Variants in LRIG1 observed in about 807,000 individuals in gnomAD.
The protein encoded by LRIG1 is leucine-rich repeats and immunoglobulin-like domains protein 1.
LRIG1 carries 48 observed loss-of-function variants against 99.2 expected under a neutral mutation model. The ratio of observed to expected loss-of-function variants is 0.48; its 90% CI spans 0.38 to 0.62. The LOEUF (loss-of-function observed/expected upper bound fraction) is 0.62. Among genes scored for constraint, LRIG1 ranks in the 20% least tolerant of loss-of-function variants. LRIG1 has a pLI of 0.00. For missense variants in LRIG1, 1,646 were observed against 1,434.4 expected, an observed-to-expected ratio of 1.15 and a Z score of -2.38; for synonymous variants, 772 against 596.1, an observed-to-expected ratio of 1.29 and a Z score of -4.30.
In LRIG1 at chr3:66,379,844, T is replaced by C. The variant is rs983487589; in HGVS notation, c.*419A>G. ...TCCCACCCCGCACCAAAAACTCCTGTGAACAAATGTGGTTGTAGCCTCTAT... is the reference window on the plus strand; with the variant it reads ...TCCCACCCCGCACCAAAAACTCCTGCGAACAAATGTGGTTGTAGCCTCTAT... On this transcript the variant is annotated 3_prime_UTR_variant, in exon 19 of 19. Transcript: ENST00000273261. The C allele has an allele frequency of 5.4e-5, 9 of 166,268 alleles. No individual in the cohort carries two copies. Among genetic ancestry groups the C allele is most frequent in the African/African-American group, 1.9e-4 (8 of 41,564 alleles). 10.3% of individuals were successfully genotyped at this position (166,268 alleles called of 1,614,324 possible).
intron 5 of LRIG1, among the ~76,000 whole-genome samples, 174 bp downstream of exon 5, chr3:66,414,746 C>A (rs1165879925): frequency 1.3e-5 from 2 of 152,206 alleles, no homozygotes; most frequent in African/African-American, 4.8e-5. Flanking sequence ...GCAGCCACAG[C>A]ACCAGACCCA....
chr3:66,423,329 A>G (rs1430510376), intron 3 of LRIG1, among the ~76,000 whole-genome samples: 1 of 152,126 alleles, frequency 6.6e-6, no homozygotes, highest in African/African-American at 2.4e-5. Flanking sequence ...CCAGCACTTT[A>G]GGAGGCTGAG....
intron 1 of LRIG1, among the ~76,000 whole-genome samples, chr3:66,464,396 G>A (rs1307046899): frequency 6.6e-6 from 1 of 151,996 alleles, no homozygotes; most frequent in Non-Finnish European, 1.5e-5. Context: ...ACCTAAAGGG[G>A]CATTTGCTTC....
chr3:66,493,794 GAAAGAAAGA>G (rs1041901776), intron 1 of LRIG1, among the ~76,000 whole-genome samples: 5 of 130,786 alleles, frequency 3.8e-5, no homozygotes, highest in Admixed American at 1.8e-4. Context: ...AAACCCTGTC[GAAAGAAAGA>G]AAAGAAAGAA....
At chr3:66,480,050 A>C (rs1389942576) in intron 1 of LRIG1, among the ~76,000 whole-genome samples, 2 of 152,266 alleles carry the variant, frequency 1.3e-5, no homozygotes, top group Admixed American at 6.5e-5. Flanking sequence ...CAAAAAGTGG[A>C]AATAAACAAA....
intron 1 of LRIG1, among the ~76,000 whole-genome samples, chr3:66,475,230 G>A (rs1421625928): frequency 6.6e-6 from 1 of 152,198 alleles, no homozygotes; most frequent in African/African-American, 2.4e-5. Context: ...TGCCTAGCCT[G>A]TCCTAAATCA....
At chr3:66,477,130 C>T (rs1210361426) in intron 1 of LRIG1, among the ~76,000 whole-genome samples, 3 of 152,190 alleles carry the variant, frequency 2.0e-5, no homozygotes, top group African/African-American at 7.2e-5. Context: ...TCCTCACACA[C>T]GCTGAAGTTA....
chr3:66,450,785 G>T (rs986272695), intron 3 of LRIG1, among the ~76,000 whole-genome samples: 3 of 152,218 alleles, frequency 2.0e-5, no homozygotes, highest in African/African-American at 7.2e-5. Flanking sequence ...AATTCAGTGT[G>T]AAGAGGGAGG....
chr3:66,426,674 A>G (rs1702990978), intron 3 of LRIG1, among the ~76,000 whole-genome samples: 1 of 152,212 alleles, frequency 6.6e-6, no homozygotes, highest in South Asian at 2.1e-4. Flanking sequence ...GTTCCTCAAG[A>G]GATCAACCAG....
At chr3:66,470,326 G>C (rs536656095) in intron 1 of LRIG1, among the ~76,000 whole-genome samples, 1 of 152,206 alleles carries the variant, frequency 6.6e-6, no homozygotes, top group Non-Finnish European at 1.5e-5. Flanking sequence ...GAGCAGGAAA[G>C]ATCAGCTGTA....
chr3:66,483,158 G>C (rs918988949), intron 1 of LRIG1, among the ~76,000 whole-genome samples: 8 of 152,032 alleles, frequency 5.3e-5, no homozygotes, highest in African/African-American at 1.4e-4. Flanking sequence ...CCAAGATCTC[G>C]ATAGCCATTA....
intron 15 of LRIG1, 97 bp from the exon 16 acceptor site, chr3:66,382,495 G>A: frequency 4.3e-6 from 6 of 1,409,230 alleles, no homozygotes; most frequent in Non-Finnish European, 6.0e-6. Context: ...TCCTCCCAGT[G>A]ACGACCATCA....
intron 14 of LRIG1, 64 bp from the exon 15 acceptor site, chr3:66,383,465 T>A: frequency 7.2e-7 from 1 of 1,394,562 alleles, no homozygotes. Flanking sequence ...CTCTGCCCGG[T>A]CTTCTGGACA....
intron 12 of LRIG1, among the ~76,000 whole-genome samples, chr3:66,391,658 A>G (rs1260547444): frequency 6.6e-6 from 1 of 152,188 alleles, no homozygotes; most frequent in Non-Finnish European, 1.5e-5. Context: ...GGATCCTTCT[A>G]GTGGTGATAA....
chr3:66,381,414 G>C, intron 17 of LRIG1, 65 bp downstream of exon 17: 2 of 1,520,388 alleles, frequency 1.3e-6, no homozygotes, highest in Non-Finnish European at 1.8e-6. Flanking sequence ...CTTTGATGTA[G>C]TGACTAGGTC....
chr3:66,438,913 G>A (rs1703451960), intron 3 of LRIG1, among the ~76,000 whole-genome samples: 2 of 152,182 alleles, frequency 1.3e-5, no homozygotes, highest in South Asian at 4.1e-4. Context: ...GCACATCTCT[G>A]CCATATCACC....
chr3:66,411,100 G>A (rs1201567809), intron 6 of LRIG1, among the ~76,000 whole-genome samples: 1 of 152,208 alleles, frequency 6.6e-6, no homozygotes, highest in Admixed American at 6.5e-5. Flanking sequence ...TCAGGATTCA[G>A]TGCAGCTCTA....
intron 1 of LRIG1, among the ~76,000 whole-genome samples, chr3:66,495,742 A>G (rs1701211779): frequency 6.6e-6 from 1 of 152,244 alleles, no homozygotes; most frequent in Admixed American, 6.5e-5. Context: ...GGGCTTTAGC[A>G]GGTGCACAGC....
At chr3:66,417,362 T>C (rs916138286) in intron 3 of LRIG1, 96 bp from the exon 4 acceptor site, 3 of 1,233,242 alleles carry the variant, frequency 2.4e-6, no homozygotes, top group African/African-American at 1.5e-5. Flanking sequence ...CCAATATAAC[T>C]ACAATGCAGT....
Sources: allele counts gnomAD v4.1 joint callset (sites outside exome capture counted in the v4.1 genomes callset), GRCh38; gene constraint gnomAD v4.1.1; transcripts MANE v1.5; gene names NCBI Gene and HGNC (gene_info 2026-07-23, HGNC 2026-07-21).